DNAI7: variants seen among roughly 807,000 people sequenced by gnomAD.
The protein encoded by DNAI7 is dynein axonemal intermediate chain 7.
In DNAI7, 78 loss-of-function variants were observed where a neutral mutation model predicts 86.6. The observed-to-expected ratio is 0.90, with a 90% CI of 0.75 to 1.09. The LOEUF (loss-of-function observed/expected upper bound fraction) is 1.09. Among genes scored for constraint, DNAI7 ranks in the 50% least tolerant of loss-of-function variants. DNAI7 has a pLI of 0.00. For missense variants in DNAI7, 753 were observed against 810.2 expected (o/e 0.93, Z 0.86); for synonymous variants, 274 against 273.0 (o/e 1.00, Z -0.04).
rs762784659 is a variant in DNAI7 at position 25,123,181 on chromosome 12, G to A, written c.1078+30C>T. On this transcript the variant is annotated intron_variant, in intron 10 of 15. Coordinates refer to ENST00000395987, the MANE Select transcript of DNAI7 (RefSeq NM_018272.5). ...TCTGTAAGAAGAAAATCTCAATAAA[G>A]TTAAATTCTTAAAATGTAATTTAGA... 6.4e-6 allele frequency: 9 copies of A among 1,399,278 alleles called. No homozygotes were observed. In the Admixed American group the frequency reaches 8.1e-5, roughly 13 times the overall value. 86.7% of individuals were successfully genotyped at this position (1,399,278 alleles called of 1,614,324 possible). A position where few individuals can be genotyped will look rare whatever the true frequency, so the allele number is the denominator to read the frequency against.
chr12:25,119,075 C>T, intron 12 of DNAI7, 70 bp downstream of exon 12: 1 of 1,276,388 alleles, frequency 7.8e-7, no homozygotes, highest in East Asian at 2.4e-5. Context: ...TAATACACTA[C>T]ACTTTCTGTT....
At chr12:25,172,444 A>G (rs1033480161) in intron 2 of DNAI7, among the ~76,000 whole-genome samples, 3 of 152,186 alleles carry the variant, frequency 2.0e-5, no homozygotes, top group African/African-American at 7.2e-5. Flanking sequence ...TGCTGAATGA[A>G]ATCACAGACA....
intron 2 of DNAI7, among the ~76,000 whole-genome samples, chr12:25,163,931 C>A (rs1288759250): frequency 6.6e-6 from 1 of 152,190 alleles, no homozygotes; most frequent in Non-Finnish European, 1.5e-5. Flanking sequence ...TCCATTGACC[C>A]AAAACTCCGG....
At chr12:25,111,433 T>C (rs1482127360) in intron 14 of DNAI7, among the ~76,000 whole-genome samples, 2 of 152,220 alleles carry the variant, frequency 1.3e-5, no homozygotes, top group Non-Finnish European at 2.9e-5. Context: ...TTACCATGTT[T>C]GGGAAAGTGC....
At chr12:25,120,771 C>T (rs1264241493) in intron 11 of DNAI7, among the ~76,000 whole-genome samples, 1 of 152,078 alleles carries the variant, frequency 6.6e-6, no homozygotes, top group African/African-American at 2.4e-5. Context: ...TCAATAATAG[C>T]GCAAGTGTTA....
At chr12:25,160,309 A>G (rs939346405) in intron 3 of DNAI7, among the ~76,000 whole-genome samples, 2 of 152,232 alleles carry the variant, frequency 1.3e-5, no homozygotes, top group Non-Finnish European at 2.9e-5. Context: ...TATGAATTCT[A>G]AATTTCTCTT....
At chr12:25,134,735 A>C (rs1454068531) in intron 9 of DNAI7, among the ~76,000 whole-genome samples, 1 of 152,168 alleles carries the variant, frequency 6.6e-6, no homozygotes, top group Non-Finnish European at 1.5e-5. Context: ...AAATGGTTCA[A>C]TGTAACATTA....
chr12:25,107,673 C>T (rs1044658850), downstream of DNAI7: 9 of 729,124 alleles, frequency 1.2e-5, no homozygotes, highest in Non-Finnish European at 2.0e-5. Context: ...GTTTCCAAAA[C>T]CAAAATGATA....
At chr12:25,177,527 G>C (rs1216123935) in intron 2 of DNAI7, among the ~76,000 whole-genome samples, 1 of 152,182 alleles carries the variant, frequency 6.6e-6, no homozygotes, top group East Asian at 1.9e-4. Flanking sequence ...CTGCTGAATA[G>C]TAATCCATTG....
intron 2 of DNAI7, among the ~76,000 whole-genome samples, chr12:25,173,365 T>C (rs1592620703): frequency 6.6e-6 from 1 of 152,126 alleles, no homozygotes; most frequent in Non-Finnish European, 1.5e-5. Flanking sequence ...GTATCACTAA[T>C]GATCTGGGAA....
downstream of DNAI7, chr12:25,108,082 G>T (rs749091424): frequency 2.2e-5 from 36 of 1,600,800 alleles, no homozygotes; most frequent in African/African-American, 4.3e-4. Context: ...CCTAATATAT[G>T]GATCTTGATT....
chr12:25,171,055 A>C (rs1371697498), intron 2 of DNAI7, among the ~76,000 whole-genome samples: 1 of 152,172 alleles, frequency 6.6e-6, no homozygotes, highest in Non-Finnish European at 1.5e-5. Context: ...ATCTAAGGTC[A>C]CACCTCAAGT....
chr12:25,145,716 A>G (rs1285786250), intron 8 of DNAI7, among the ~76,000 whole-genome samples: 1 of 152,112 alleles, frequency 6.6e-6, no homozygotes, highest in Non-Finnish European at 1.5e-5. Flanking sequence ...CAGAGGTAGG[A>G]CCAGAACCTA....
intron 2 of DNAI7, among the ~76,000 whole-genome samples, chr12:25,185,476 T>G (rs1481721472): frequency 6.6e-6 from 1 of 152,234 alleles, no homozygotes; most frequent in Non-Finnish European, 1.5e-5. Context: ...TGTCTACCAT[T>G]TACCTAATTG....
At chr12:25,107,155 T>C, downstream of DNAI7, 1 of 503,440 alleles carries the variant, frequency 2.0e-6, no homozygotes, top group Non-Finnish European at 3.5e-6. Flanking sequence ...ACATGCCAAA[T>C]TGTTGTATTT....
chr12:25,168,118 C>T (rs962027243), intron 2 of DNAI7, among the ~76,000 whole-genome samples: 8 of 152,196 alleles, frequency 5.3e-5, no homozygotes, highest in African/African-American at 1.9e-4. Flanking sequence ...CGGCTGCCGC[C>T]CTAGCTGGAT....
intron 7 of DNAI7, among the ~76,000 whole-genome samples, chr12:25,147,460 T>G (rs1211942853): frequency 7.4e-6 from 1 of 135,380 alleles, no homozygotes; most frequent in Non-Finnish European, 1.6e-5. Flanking sequence ...AAGAAAAGCC[T>G]GGGCAACATA....
At chr12:25,158,708 G>A (rs1946501322) in intron 3 of DNAI7, 145 bp from the exon 4 acceptor site, 1 of 1,484,980 alleles carries the variant, frequency 6.7e-7, no homozygotes, top group East Asian at 2.6e-5. Context: ...TATGAGAAAA[G>A]TGTCAGTTCT....
chr12:25,115,863 TTCTCTTCA>T (rs1220765136), intron 12 of DNAI7, among the ~76,000 whole-genome samples: 9 of 152,178 alleles, frequency 5.9e-5, no homozygotes, highest in African/African-American at 2.2e-4. Context: ...CATGCAAACA[TTCTCTTCA>T]TCTTTGAGGG....
Sources: allele counts gnomAD v4.1 joint callset (sites outside exome capture counted in the v4.1 genomes callset), GRCh38; gene constraint gnomAD v4.1.1; transcripts MANE v1.5; gene names NCBI Gene and HGNC (gene_info 2026-07-23, HGNC 2026-07-21).